Variants in RNF2 observed in about 807,000 individuals in gnomAD.
The protein encoded by RNF2 is ring finger protein 2.
RNF2 carries 6 observed loss-of-function variants against 37.2 expected under a neutral mutation model. The observed-to-expected ratio is 0.16, with a 90% CI of 0.09 to 0.32. The LOEUF (loss-of-function observed/expected upper bound fraction) is 0.32, where lower values mean the gene tolerates loss of function less well. RNF2 is among the 10% of genes least tolerant of loss of function. The probability of loss-of-function intolerance (pLI) is 1.00; values close to 1 mark genes in which losing one functional copy is unlikely to be tolerated. For synonymous variants in RNF2, 133 were observed against 132.7 expected (o/e 1.00, Z -0.02); for missense variants, 251 against 404.0 (o/e 0.62, Z 3.25).
At chr1:185,093,405 G>A (rs935151628) in intron 4 of RNF2, 129 bp downstream of exon 4, 3 of 749,410 alleles carry the variant, frequency 4.0e-6, no homozygotes. Flanking sequence ...TTTCGTGCAG[G>A]TATAATACAT....
At chr1:185,071,393 T>C (rs1260036181) in intron 1 of RNF2, among the ~76,000 whole-genome samples, 1 of 148,514 alleles carries the variant, frequency 6.7e-6, no homozygotes, top group African/African-American at 2.6e-5. Flanking sequence ...TGACCCTCTA[T>C]TGTTGTGGGA....
intron 1 of RNF2, among the ~76,000 whole-genome samples, chr1:185,066,835 GGGTA>G (rs1312193922): frequency 6.6e-6 from 1 of 152,118 alleles, no homozygotes; most frequent in Non-Finnish European, 1.5e-5. Flanking sequence ...GTGGGGGCAG[GGGTA>G]GTAGTAGTGT....
chr1:185,047,195 G>T (rs1167779191), intron 1 of RNF2, among the ~76,000 whole-genome samples: 1 of 152,176 alleles, frequency 6.6e-6, no homozygotes, highest in Non-Finnish European at 1.5e-5. Context: ...ATCCACATTT[G>T]AGGTTAATTA....
At chr1:185,079,735 G>A (rs865870063) in intron 1 of RNF2, among the ~76,000 whole-genome samples, 18 of 152,170 alleles carry the variant, frequency 1.2e-4, no homozygotes, top group African/African-American at 4.1e-4. Context: ...TTTGAGACCA[G>A]CCTGGCCAAC....
At chr1:185,092,321 C>T (rs959041143) in intron 3 of RNF2, among the ~76,000 whole-genome samples, 1 of 152,010 alleles carries the variant, frequency 6.6e-6, no homozygotes, top group Middle Eastern at 3.2e-3. Context: ...GGATTACAGG[C>T]GTGTATCACC....
intron 1 of RNF2, among the ~76,000 whole-genome samples, chr1:185,077,466 G>T (rs1161409751): frequency 2.0e-5 from 3 of 152,056 alleles, no homozygotes; most frequent in Non-Finnish European, 4.4e-5. Flanking sequence ...GATTTTTCAT[G>T]AGGTTAAGAA....
At chr1:185,060,485 C>T (rs1292222292) in intron 1 of RNF2, among the ~76,000 whole-genome samples, 1 of 152,160 alleles carries the variant, frequency 6.6e-6, no homozygotes. Context: ...CAAAATTTTT[C>T]TGTTCTGCTT....
intron 1 of RNF2, among the ~76,000 whole-genome samples, chr1:185,078,410 C>A (rs1029134521): frequency 6.6e-6 from 1 of 152,138 alleles, no homozygotes; most frequent in Admixed American, 6.5e-5. Flanking sequence ...TATTTACTAG[C>A]CACACTGACC....
Position 185,075,730 on chromosome 1 carries a change from C to G in RNF2, c.-2-11822C>G, listed in dbSNP as rs1337727604. On this transcript the variant is annotated intron_variant, in intron 1 of 6. Coordinates refer to ENST00000367510, the MANE Select transcript of RNF2 (RefSeq NM_007212.4). ...CAGCTCTTGTGAGAACTCATTAACACGAGAACAGCAAGGGGGAAATCCACT... is the reference window on the plus strand; with the variant it reads ...CAGCTCTTGTGAGAACTCATTAACAGGAGAACAGCAAGGGGGAAATCCACT... Among the ~76,000 whole-genome samples, 5 of 152,076 alleles carry G rather than the reference C, an allele frequency of 3.3e-5. No individual in the cohort carries two copies. In the East Asian group the frequency reaches 5.8e-4, roughly 18 times the overall value.
intron 4 of RNF2, among the ~76,000 whole-genome samples, chr1:185,094,868 A>G (rs1367007167): frequency 1.3e-5 from 2 of 152,360 alleles, no homozygotes; most frequent in East Asian, 3.9e-4. Flanking sequence ...AGGAGATAAT[A>G]GTAAAGTCCA....
intron 1 of RNF2, among the ~76,000 whole-genome samples, chr1:185,082,470 C>A (rs942111994): frequency 6.6e-6 from 1 of 151,544 alleles, no homozygotes; most frequent in African/African-American, 2.4e-5. Flanking sequence ...CCTGCCTCAG[C>A]CCCCCAGTAG....
At chr1:185,058,768 C>T (rs143477508) in intron 1 of RNF2, among the ~76,000 whole-genome samples, 18 of 152,266 alleles carry the variant, frequency 1.2e-4, no homozygotes, top group Non-Finnish European at 5.9e-5. Context: ...ATGGGCATTT[C>T]GGTATATGTA....
intron 1 of RNF2, among the ~76,000 whole-genome samples, chr1:185,082,367 T>TTTTTTTTTTG (rs60213064): frequency 2.1e-4 from 24 of 113,234 alleles, no homozygotes; most frequent in African/African-American, 8.0e-4. Flanking sequence ...TTTTTTTTTT[T>TTTTTTTTTTG]GAAGACAGAG....
At chr1:185,083,939 TA>T (rs750661158) in intron 1 of RNF2, among the ~76,000 whole-genome samples, 2,175 of 125,996 alleles carry the variant, frequency 0.017, 29 homozygotes, top group African/African-American at 0.041. Context: ...GTCTTTTCCT[TA>T]AAAAAAAAAA....
intron 1 of RNF2, among the ~76,000 whole-genome samples, chr1:185,066,623 T>C (rs1186588148): frequency 2.0e-5 from 3 of 152,236 alleles, no homozygotes; most frequent in Admixed American, 6.5e-5. Context: ...ACATGATAGC[T>C]CAATAAATGT....
intron 1 of RNF2, among the ~76,000 whole-genome samples, chr1:185,065,488 T>A (rs951722919): frequency 2.0e-5 from 3 of 152,210 alleles, no homozygotes; most frequent in African/African-American, 7.2e-5. Context: ...CTTTATGAGC[T>A]GTAACACTCA....
intron 1 of RNF2, among the ~76,000 whole-genome samples, chr1:185,051,213 T>C (rs1650261990): frequency 6.6e-6 from 1 of 152,230 alleles, no homozygotes; most frequent in Non-Finnish European, 1.5e-5. Context: ...CTGTTTGCTA[T>C]ATAGAGTCTT....
chr1:185,067,708 CTTT>C (rs753063280), intron 1 of RNF2, among the ~76,000 whole-genome samples: 5 of 121,122 alleles, frequency 4.1e-5, no homozygotes, highest in Non-Finnish European at 5.1e-5. Context: ...TAAAAGTATC[CTTT>C]TTTTTTTTTT....
At chr1:185,061,073 A>C (rs1650582599) in intron 1 of RNF2, among the ~76,000 whole-genome samples, 1 of 151,088 alleles carries the variant, frequency 6.6e-6, no homozygotes, top group African/African-American at 2.4e-5. Context: ...GCCATGAGTC[A>C]CTGAGCCACT....
Sources: gnomAD v4.1 joint callset for allele counts (sites outside exome capture counted in the v4.1 genomes callset) on GRCh38, gnomAD v4.1.1 for gene constraint, MANE v1.5 for transcripts, NCBI Gene and HGNC (gene_info 2026-07-23, HGNC 2026-07-21) for gene names.